OXR1: variants seen among roughly 807,000 people sequenced by gnomAD.
OXR1 encodes the protein oxidation resistance 1.
A neutral mutation model predicts 104.6 loss-of-function variants in OXR1; 41 were observed. The observed-to-expected ratio is 0.39, with a 90% CI of 0.31 to 0.51. The LOEUF is 0.51. Ranked by LOEUF, OXR1 falls within the 20% of genes least tolerant of loss-of-function variation. The probability of loss-of-function intolerance (pLI) is 0.77; values close to 1 mark genes in which losing one functional copy is unlikely to be tolerated. For missense variants in OXR1, 955 were observed against 1,031.9 expected (o/e 0.93, Z 1.02); for synonymous variants, 348 against 348.4 (o/e 1.00, Z 0.01).
intron 11 of OXR1, 65 bp downstream of exon 11, chr8:106,714,050 T>C: frequency 1.6e-6 from 2 of 1,218,372 alleles, no homozygotes; most frequent in East Asian, 2.6e-5. Flanking sequence ...AGCTTTATGG[T>C]AGTACAAAGT....
chr8:106,739,365 A>G (rs1834711626), intron 12 of OXR1, 93 bp from the exon 13 acceptor site: 1 of 1,126,634 alleles, frequency 8.9e-7, no homozygotes, highest in South Asian at 1.5e-5. Context: ...CACATTTTCT[A>G]CGATATAAAG....
chr8:106,406,704 A>G (rs1233010736), intron 2 of OXR1, among the ~76,000 whole-genome samples: 1 of 152,134 alleles, frequency 6.6e-6, no homozygotes, highest in African/African-American at 2.4e-5. Context: ...GGAGAGAGGG[A>G]TGAATAGGTA....
chr8:106,533,412 T>C (rs1021982394), intron 3 of OXR1, among the ~76,000 whole-genome samples: 4 of 152,188 alleles, frequency 2.6e-5, no homozygotes, highest in Admixed American at 2.6e-4. Flanking sequence ...AAGGTGTTTA[T>C]GAAAGCTATG....
intron 3 of OXR1, among the ~76,000 whole-genome samples, chr8:106,665,733 A>G (rs1826238676): frequency 1.3e-5 from 2 of 152,312 alleles, no homozygotes; most frequent in East Asian, 1.9e-4. Flanking sequence ...GAGACTCTTT[A>G]TAAATGTTGT....
intron 9 of OXR1, among the ~76,000 whole-genome samples, chr8:106,710,314 A>G (rs1831569188): frequency 1.3e-5 from 2 of 151,974 alleles, no homozygotes; most frequent in African/African-American, 2.4e-5. Context: ...GTGTGTATAT[A>G]TATATGATTG....
intron 3 of OXR1, among the ~76,000 whole-genome samples, chr8:106,526,103 T>C (rs1226721944): frequency 1.3e-5 from 2 of 152,140 alleles, no homozygotes. Flanking sequence ...TAATGATAAG[T>C]TTTTAAAGAA....
rs939373570 is a variant in OXR1, at chr8:106,683,245, C to G, written c.350C>G (p.Thr117Arg). The G allele has an allele frequency of 1.9e-6, 3 of 1,605,580 alleles. No homozygotes were observed. The highest frequency in any genetic ancestry group is 1.7e-6 in the Non-Finnish European group (2 of 1,172,976). The change falls in exon 5 of 17, where the codon ACA becomes AGA. Residue 117 changes from threonine (T) to arginine (R), a missense_variant. Thr to Arg is a moderately conservative substitution (Grantham distance 71, BLOSUM62 -1). Transcript: ENST00000517566. ...AATAGCATAGCCCTGAAGTTTGATA[C>G]AACACCTAACGAACTTGTTCAATTA... ...SLNSIALKFD[T>R]TPNELVQLNK...
At chr8:106,299,831 T>TAA (rs112049361) in intron 1 of OXR1, among the ~76,000 whole-genome samples, 1 of 151,928 alleles carries the variant, frequency 6.6e-6, no homozygotes, top group Non-Finnish European at 1.5e-5. Flanking sequence ...TAATTTTAGA[T>TAA]AAAAAACACA....
intron 2 of OXR1, among the ~76,000 whole-genome samples, chr8:106,476,329 C>G (rs1359102403): frequency 6.6e-6 from 1 of 151,904 alleles, no homozygotes; most frequent in South Asian, 2.1e-4. Flanking sequence ...TTCTTGAATT[C>G]AATAACTCAA....
chr8:106,361,495 T>G (rs181960782), intron 2 of OXR1, among the ~76,000 whole-genome samples: 20 of 152,310 alleles, frequency 1.3e-4, no homozygotes, highest in African/African-American at 4.8e-4. Flanking sequence ...ACTTAGCATT[T>G]GGGTTGCCCA....
intron 2 of OXR1, among the ~76,000 whole-genome samples, chr8:106,370,950 T>G (rs1304736694): frequency 6.6e-6 from 1 of 152,156 alleles, no homozygotes; most frequent in Non-Finnish European, 1.5e-5. Flanking sequence ...TTCAGTTGTT[T>G]GGAATAGTTT....
At chr8:106,366,024 C>G (rs778610244) in intron 2 of OXR1, among the ~76,000 whole-genome samples, 28 of 152,142 alleles carry the variant, frequency 1.8e-4, no homozygotes, top group Non-Finnish European at 3.4e-4. Context: ...CCTACTAGAC[C>G]TGTAACCTTG....
chr8:106,727,741 A>T (rs1833491535), intron 11 of OXR1, among the ~76,000 whole-genome samples: 1 of 152,098 alleles, frequency 6.6e-6, no homozygotes, highest in South Asian at 2.1e-4. Flanking sequence ...TTCTTATGGG[A>T]GGCTATATAA....
rs1164184956 is a variant in OXR1 at position 106,551,813 on chromosome 8, T to TATATAC, written c.220+32675_220+32676insTATACA. On this transcript the variant is annotated intron_variant, in intron 3 of 16. Transcript: ENST00000517566. ...ACATATATATATATATATATATATATACACACACACACACATATATATATG... is the reference window on the plus strand; with the variant it reads ...ACATATATATATATATATATATATATATATACACACACACACACACATATATATATG... Among the ~76,000 whole-genome samples the TATATAC allele has an allele frequency of 8.3e-5, 8 of 95,986 alleles. No individual in the cohort carries two copies. In the East Asian group the frequency reaches 1.7e-3, roughly 20 times the overall value. The allele number at this position is 95,986 out of a possible 152,430, so 63.0% of individuals were successfully genotyped here. A position where few individuals can be genotyped will look rare whatever the true frequency, so the allele number is the denominator to read the frequency against.
intron 3 of OXR1, among the ~76,000 whole-genome samples, chr8:106,565,063 A>G (rs1816970055): frequency 1.3e-5 from 2 of 152,236 alleles, no homozygotes; most frequent in South Asian, 4.1e-4. Flanking sequence ...CCCTTTGAAA[A>G]CTAGCACAAG....
intron 1 of OXR1, among the ~76,000 whole-genome samples, chr8:106,326,721 C>T (rs1814485300): frequency 6.6e-6 from 1 of 152,100 alleles, no homozygotes; most frequent in Non-Finnish European, 1.5e-5. Context: ...GAGGTGGGAA[C>T]ATGCCTGGAA....
At chr8:106,548,527 T>C (rs1393654543) in intron 3 of OXR1, among the ~76,000 whole-genome samples, 1 of 152,206 alleles carries the variant, frequency 6.6e-6, no homozygotes, top group African/African-American at 2.4e-5. Flanking sequence ...ATAAAAATGT[T>C]ATAATATATA....
At chr8:106,492,687 TA>T (rs1247404923) in intron 2 of OXR1, among the ~76,000 whole-genome samples, 1 of 152,228 alleles carries the variant, frequency 6.6e-6, no homozygotes, top group Non-Finnish European at 1.5e-5. Context: ...TACAAGCTTT[TA>T]AGTTACTGTC....
At chr8:106,293,848 C>A (rs1282666312) in intron 1 of OXR1, among the ~76,000 whole-genome samples, 1 of 152,070 alleles carries the variant, frequency 6.6e-6, no homozygotes, top group Non-Finnish European at 1.5e-5. Flanking sequence ...AAACACTTCC[C>A]AAAACACCCT....
Sources: gnomAD v4.1 joint callset for allele counts (sites outside exome capture counted in the v4.1 genomes callset) on GRCh38, gnomAD v4.1.1 for gene constraint, MANE v1.5 for transcripts, NCBI Gene and HGNC (gene_info 2026-07-23, HGNC 2026-07-21) for gene names.